The following CASD1 variants were observed in gnomAD, a reference collection of about 807,000 sequenced individuals.
CASD1 encodes CAS1 domain sialic acid O acetyltransferase 1, also known as N-acetylneuraminate (7)9-O-acetyltransferase.
CASD1 carries 41 observed loss-of-function variants against 100.0 expected under a neutral mutation model. The observed-to-expected ratio is 0.41, with a 90% CI of 0.32 to 0.53. The LOEUF (loss-of-function observed/expected upper bound fraction) is 0.53. CASD1 is among the 20% of genes least tolerant of loss of function. The pLI is 0.25. For synonymous variants in CASD1, 321 were observed against 315.6 expected, an observed-to-expected ratio of 1.02 and a Z score of -0.18; for missense variants, 774 against 948.7, an observed-to-expected ratio of 0.82 and a Z score of 2.42.
intron 8 of CASD1, among the ~76,000 whole-genome samples, chr7:94,536,200 G>A (rs575278533): frequency 2.6e-5 from 4 of 152,176 alleles, no homozygotes; most frequent in East Asian, 1.9e-4. Flanking sequence ...CCAAGATCCC[G>A]CCACTGCACT....
chr7:94,574,885 G>T, the CASD1 span, among the ~76,000 whole-genome samples: 1 of 152,068 alleles, frequency 6.6e-6, no homozygotes, highest in Non-Finnish European at 1.5e-5. Flanking sequence ...CAGGAGAATG[G>T]CATGAACCCG....
chr7:94,628,903 A>G, the CASD1 span: 1 of 157,002 alleles, frequency 6.4e-6, no homozygotes, highest in Non-Finnish European at 1.4e-5. Context: ...ATCATTTATT[A>G]GCACATCCTG....
the CASD1 span, among the ~76,000 whole-genome samples, chr7:94,602,553 T>A: frequency 1.3e-5 from 2 of 151,740 alleles, no homozygotes; most frequent in East Asian, 3.9e-4. Flanking sequence ...CACTAAATAA[T>A]TAAAACATCA....
At chr7:94,522,368 A>G (rs1006440053) in intron 3 of CASD1, among the ~76,000 whole-genome samples, 2 of 152,256 alleles carry the variant, frequency 1.3e-5, no homozygotes, top group Non-Finnish European at 2.9e-5. Context: ...CTAATGACGA[A>G]GAGTTCAGAT....
At chr7:94,576,932 C>T in the CASD1 span, among the ~76,000 whole-genome samples, 1 of 152,090 alleles carries the variant, frequency 6.6e-6, no homozygotes, top group Non-Finnish European at 1.5e-5. Flanking sequence ...CCCAATACAG[C>T]CCATGTAGTG....
chr7:94,524,193 A>C (rs531851883), intron 3 of CASD1: 1 of 152,140 alleles, frequency 6.6e-6, no homozygotes, highest in Non-Finnish European at 1.5e-5. Context: ...ATAAAAGATA[A>C]ATTCACATAC....
At chr7:94,528,098 T>C in intron 4 of CASD1, 90 bp from the exon 5 acceptor site, 1 of 882,544 alleles carries the variant, frequency 1.1e-6, no homozygotes, top group South Asian at 1.5e-5. Flanking sequence ...TACTTTTAAG[T>C]ACTCTGTAAG....
the CASD1 span, chr7:94,599,246 C>T: frequency 3.2e-6 from 1 of 312,000 alleles, no homozygotes. Context: ...AACTAGTTTT[C>T]TATTTATTTT....
At chr7:94,609,286 G>C in the CASD1 span, among the ~76,000 whole-genome samples, 1 of 152,244 alleles carries the variant, frequency 6.6e-6, no homozygotes, top group Non-Finnish European at 1.5e-5. Context: ...CAGCACTTTT[G>C]GAGGCCAAGG....
intron 1 of CASD1, among the ~76,000 whole-genome samples, chr7:94,516,955 G>A (rs996593071): frequency 9.3e-5 from 14 of 151,238 alleles, no homozygotes; most frequent in African/African-American, 3.2e-4. Context: ...CCAGGCTGGA[G>A]TGCAGTGGCA....
intron 17 of CASD1, among the ~76,000 whole-genome samples, 164 bp from the exon 18 acceptor site, chr7:94,555,328 A>G (rs1796150577): frequency 6.6e-6 from 1 of 152,048 alleles, no homozygotes; most frequent in Non-Finnish European, 1.5e-5. Flanking sequence ...AGTTCTAAGG[A>G]GTAGACTGCA....
intron 5 of CASD1, among the ~76,000 whole-genome samples, chr7:94,532,728 T>G (rs1794912227): frequency 6.6e-6 from 1 of 152,220 alleles, no homozygotes; most frequent in Admixed American, 6.5e-5. Flanking sequence ...TGGTCTTTAA[T>G]AATCATCAGT....
At chr7:94,536,220 GTGA>G (rs1263033002) in intron 8 of CASD1, among the ~76,000 whole-genome samples, 1 of 152,144 alleles carries the variant, frequency 6.6e-6, no homozygotes, top group African/African-American at 2.4e-5. Context: ...TCCAGCCTGG[GTGA>G]CAGAGAGAGA....
the CASD1 span, chr7:94,627,513 T>C: frequency 6.6e-6 from 1 of 152,176 alleles, no homozygotes; most frequent in East Asian, 1.9e-4. Flanking sequence ...ATCATTTACC[T>C]ACTAGGGTAC....
chr7:94,528,094 T>C, intron 4 of CASD1, 94 bp from the exon 5 acceptor site: 1 of 869,232 alleles, frequency 1.2e-6, no homozygotes, highest in East Asian at 2.5e-5. Flanking sequence ...GTTTTACTTT[T>C]AAGTACTCTG....
the CASD1 span, among the ~76,000 whole-genome samples, chr7:94,592,380 G>C: frequency 1.3e-5 from 2 of 152,104 alleles, no homozygotes; most frequent in Non-Finnish European, 2.9e-5. Flanking sequence ...ATACAGGAGC[G>C]GGGGGTCGAC....
chr7:94,619,319 C>A, the CASD1 span: 1 of 183,092 alleles, frequency 5.5e-6, no homozygotes, highest in Non-Finnish European at 1.1e-5. Context: ...AAATAAAAAT[C>A]AATTATATGT....
the CASD1 span, chr7:94,627,637 A>G: frequency 6.6e-6 from 1 of 152,442 alleles, no homozygotes; most frequent in Non-Finnish European, 1.5e-5. Flanking sequence ...TACTTTGTCA[A>G]GTAAATTCTT....
At position 94,552,537 on chromosome 7, in the gene CASD1, T is replaced by C. The variant is rs1796001111; in HGVS notation, c.2034+110T>C. Reference sequence around the variant, plus strand: ...CTCCAGAAAATGTAGAGAAGTTACTTCATCTTTCTAAGCCCTTCCTTTCTC... The same window carrying C: ...CTCCAGAAAATGTAGAGAAGTTACTCCATCTTTCTAAGCCCTTCCTTTCTC... On this transcript the variant is annotated intron_variant, in intron 16 of 17. Transcript: ENST00000297273. The C allele has an allele frequency of 8.1e-6, 6 of 737,244 alleles. No individual in the cohort carries two copies. In the South Asian group the frequency reaches 9.1e-5, roughly 11 times the overall value. The allele number at this position is 737,244 out of a possible 1,614,324, so 45.7% of individuals were successfully genotyped here.
Sources: allele counts gnomAD v4.1 joint callset (sites outside exome capture counted in the v4.1 genomes callset), GRCh38; gene constraint gnomAD v4.1.1; transcripts MANE v1.5; gene names NCBI Gene and HGNC (gene_info 2026-07-23, HGNC 2026-07-21).